The following POU6F2 variants were observed in gnomAD, a reference collection of about 807,000 sequenced individuals.
POU6F2 encodes POU domain, class 6, transcription factor 2.
In POU6F2, 31 loss-of-function variants were observed where a neutral mutation model predicts 71.3. The ratio of observed to expected loss-of-function variants is 0.43; its 90% CI spans 0.33 to 0.59. The LOEUF is 0.59. POU6F2 is among the 20% of genes least tolerant of loss of function. The pLI is 0.04. For synonymous variants in POU6F2, 347 were observed against 355.7 expected (o/e 0.98, Z 0.27); for missense variants, 783 against 856.8 (o/e 0.91, Z 1.07).
intron 8 of POU6F2, among the ~76,000 whole-genome samples, chr7:39,452,891 G>A (rs1180330811): frequency 4.6e-5 from 7 of 152,090 alleles, no homozygotes; most frequent in African/African-American, 9.7e-5. Context: ...TCAGGAGTTC[G>A]ACACCAGCCT....
intron 4 of POU6F2, among the ~76,000 whole-genome samples, chr7:39,281,202 T>C (rs1784556488): frequency 6.6e-6 from 1 of 152,184 alleles, no homozygotes; most frequent in Non-Finnish European, 1.5e-5. Context: ...ACTTGTGGGG[T>C]ATAGTGTGAT....
chr7:39,128,983 A>G (rs1562716403), intron 2 of POU6F2, among the ~76,000 whole-genome samples: 1 of 152,234 alleles, frequency 6.6e-6, no homozygotes, highest in Non-Finnish European at 1.5e-5. Flanking sequence ...GAAATTCAGG[A>G]TCAGGATAAG....
At chr7:39,003,074 T>C (rs965612290) in intron 1 of POU6F2, among the ~76,000 whole-genome samples, 2 of 152,156 alleles carry the variant, frequency 1.3e-5, no homozygotes, top group Non-Finnish European at 2.9e-5. Flanking sequence ...TCTCAGTTAT[T>C]TAGTTAACCA....
rs759882947 is a variant in POU6F2, at chr7:39,451,508, AT to A, written c.1321-17del. 56 of 1,582,106 alleles carry A rather than the reference AT, an allele frequency of 3.5e-5. No individual in the cohort carries two copies. Among genetic ancestry groups the A allele is most frequent in the Admixed American group, 1.0e-4 (6 of 57,260 alleles). On this transcript the variant is annotated intron_variant, in intron 7 of 9. Transcript: ENST00000518318. The stretch of plus-strand genomic sequence containing the variant: ...CCCCTAATTTTTCATTCATTTGTGT[AT>A]TTTTTTTACATCCCCTCATGTAGCT...
Position 39,185,497 on chromosome 7 carries a change from C to T in POU6F2, c.278-18738C>T, listed in dbSNP as rs918002022. Among the ~76,000 whole-genome samples, 9 of 152,194 alleles carry T rather than the reference C, an allele frequency of 5.9e-5. No individual in the cohort carries two copies. In the South Asian group the frequency reaches 1.2e-3, roughly 21 times the overall value. On this transcript the variant is annotated intron_variant, in intron 2 of 9. Coordinates refer to ENST00000518318, the MANE Select transcript of POU6F2 (RefSeq NM_001370959.1). ...AGGATATGTCTAAAAACAAAGCCTA[C>T]GTCTCAAAGAAGGTTTTATAAAAAT...
At position 39,204,105 on chromosome 7, in the gene POU6F2, T is replaced by C. The variant is rs548540947; in HGVS notation, c.278-130T>C. On this transcript the variant is annotated intron_variant, in intron 2 of 9. Transcript: ENST00000518318. ...ATGTCTCTCATCATTATGTATGCAG[T>C]TGATAAGTGATTTGAGCACTGGAGA... 6 of 778,640 alleles carry C rather than the reference T, an allele frequency of 7.7e-6. No individual in the cohort carries two copies. The East Asian group carries it at 8.1e-5, about 11-fold the overall frequency. The allele number at this position is 778,640 out of a possible 1,614,324, so 48.2% of individuals were successfully genotyped here.
chr7:39,190,467 ATTTTCTAACCCTTAATTCT>A (rs2128743099), intron 2 of POU6F2, among the ~76,000 whole-genome samples: 1 of 136,936 alleles, frequency 7.3e-6, no homozygotes, highest in East Asian at 2.4e-4. Context: ...AGTTACTTGA[ATTTTCTAACCCTTAATTCT>A]AATATTCTAA....
intron 2 of POU6F2, among the ~76,000 whole-genome samples, chr7:39,109,842 G>C (rs959761037): frequency 6.6e-6 from 1 of 152,184 alleles, no homozygotes; most frequent in African/African-American, 2.4e-5. Context: ...AGTAGCTCTT[G>C]AAAAATTATG....
chr7:39,453,986 A>T (rs936763210), intron 8 of POU6F2, among the ~76,000 whole-genome samples: 1 of 152,186 alleles, frequency 6.6e-6, no homozygotes, highest in Admixed American at 6.5e-5. Context: ...AGTTGCCACA[A>T]ATTTTGAGCA....
At chr7:39,374,770 C>T (rs1342848965) in intron 5 of POU6F2, among the ~76,000 whole-genome samples, 2 of 152,080 alleles carry the variant, frequency 1.3e-5, no homozygotes, top group Non-Finnish European at 2.9e-5. Context: ...AAATTGATGT[C>T]GGAAGGATCA....
At chr7:39,261,742 C>T (rs1037637553) in intron 4 of POU6F2, among the ~76,000 whole-genome samples, 3 of 152,154 alleles carry the variant, frequency 2.0e-5, no homozygotes, top group Non-Finnish European at 2.9e-5. Flanking sequence ...TTTTCATCTC[C>T]GTAGTTCTGT....
intron 2 of POU6F2, among the ~76,000 whole-genome samples, chr7:39,141,629 A>G (rs1025787017): frequency 5.3e-5 from 8 of 152,232 alleles, no homozygotes; most frequent in African/African-American, 1.2e-4. Flanking sequence ...ATATCTTAAT[A>G]CTGCTAGGAA....
intron 1 of POU6F2, among the ~76,000 whole-genome samples, chr7:39,056,690 G>GTGTT (rs1790533869): frequency 6.6e-6 from 1 of 151,184 alleles, no homozygotes; most frequent in African/African-American, 2.4e-5. Context: ...GTGTGTGTGT[G>GTGTT]TGTGTGTGTG....
At chr7:39,072,856 T>C (rs1023515456) in intron 1 of POU6F2, among the ~76,000 whole-genome samples, 1 of 152,352 alleles carries the variant, frequency 6.6e-6, no homozygotes. Flanking sequence ...AAGACAGTGC[T>C]TCCAAGAGAG....
intron 5 of POU6F2, among the ~76,000 whole-genome samples, chr7:39,401,269 C>T (rs532386113): frequency 2.6e-4 from 39 of 152,272 alleles, no homozygotes; most frequent in African/African-American, 8.9e-4. Context: ...AGACAGTTGG[C>T]AGAGAGTGGG....
Position 39,114,889 on chromosome 7 carries a change from CAGAT to C in POU6F2, c.277+28861_277+28864del, listed in dbSNP as rs556306997. ...ATACATATGTGAGTACACATGCAGA[CAGAT>C]AGGTGAGCACATAGACATGTGTGTG... On this transcript the variant is annotated intron_variant, in intron 2 of 9. Coordinates refer to ENST00000518318, the MANE Select transcript of POU6F2 (RefSeq NM_001370959.1). Among the ~76,000 whole-genome samples the C allele has an allele frequency of 1.1e-3, 160 of 152,186 alleles. 1 individual carries two copies. The South Asian group carries it at 0.016, about 16-fold the overall frequency.
At chr7:39,283,905 G>T in intron 4 of POU6F2, among the ~76,000 whole-genome samples, 1 of 152,068 alleles carries the variant, frequency 6.6e-6, no homozygotes, top group South Asian at 2.1e-4. Flanking sequence ...TTAAATTATT[G>T]CAGATAATAC....
intron 4 of POU6F2, among the ~76,000 whole-genome samples, chr7:39,295,017 T>C (rs1021025188): frequency 8.5e-5 from 13 of 152,186 alleles, no homozygotes; most frequent in Admixed American, 3.9e-4. Flanking sequence ...ACTTCATGGA[T>C]TCAGAGAAAC....
At chr7:39,052,013 G>A (rs1293872665) in intron 1 of POU6F2, among the ~76,000 whole-genome samples, 4 of 152,056 alleles carry the variant, frequency 2.6e-5, no homozygotes, top group Non-Finnish European at 4.4e-5. Context: ...CTCTTCTACC[G>A]ATCACTGGCA....
Sources: gnomAD v4.1 joint callset for allele counts (sites outside exome capture counted in the v4.1 genomes callset) on GRCh38, gnomAD v4.1.1 for gene constraint, MANE v1.5 for transcripts, NCBI Gene and HGNC (gene_info 2026-07-23, HGNC 2026-07-21) for gene names.